Variants in NBN observed in about 807,000 individuals in gnomAD.
NBN encodes the protein nibrin.
In NBN, 88 loss-of-function variants were observed where a neutral mutation model predicts 90.8. That is an observed-to-expected ratio of 0.97 (90% confidence interval 0.82 to 1.16). NBN has a LOEUF of 1.16. Among genes scored for constraint, NBN ranks in the 50% most tolerant of loss-of-function variants. The pLI, the probability that NBN is intolerant of heterozygous loss-of-function variation, is 0.00. For synonymous variants in NBN, 328 were observed against 295.1 expected, an observed-to-expected ratio of 1.11 and a Z score of -1.14; for missense variants, 894 against 869.6, an observed-to-expected ratio of 1.03 and a Z score of -0.35.
intron 3 of NBN, 54 bp from the exon 4 acceptor site, chr8:89,980,947 C>A: frequency 3.3e-6 from 5 of 1,505,448 alleles, no homozygotes; most frequent in Non-Finnish European, 3.7e-6. Context: ...GCAGAGATGG[C>A]AATTTTTAGT....
At chr8:89,983,823 T>C (rs1444580260) in intron 1 of NBN, among the ~76,000 whole-genome samples, 1 of 152,078 alleles carries the variant, frequency 6.6e-6, no homozygotes, top group Non-Finnish European at 1.5e-5. Flanking sequence ...CCTTGACCTG[T>C]GAGTCTTCAC....
At chr8:89,968,172 T>C (rs1338774896) in intron 7 of NBN, among the ~76,000 whole-genome samples, 1 of 152,040 alleles carries the variant, frequency 6.6e-6, no homozygotes, top group Non-Finnish European at 1.5e-5. Context: ...GGCAGGAGAA[T>C]TGCTTGAGCC....
intron 8 of NBN, among the ~76,000 whole-genome samples, chr8:89,964,124 G>C (rs890468776): frequency 6.6e-6 from 1 of 151,958 alleles, no homozygotes. Flanking sequence ...TACTTGGCTT[G>C]ATCTGAACTT....
Position 89,935,392 on chromosome 8 carries a change from G to A in NBN, c.*190C>T. On this transcript the variant is annotated 3_prime_UTR_variant, in exon 16 of 16. Coordinates refer to ENST00000265433, the MANE Select transcript of NBN (RefSeq NM_002485.5). ...AATGAAAAAAAGATGCAATGACAAA[G>A]CCTGAAAACAGAACAAACAATTGTT... The A allele has an allele frequency of 3.2e-6, 2 of 617,734 alleles. No homozygotes were observed. Among genetic ancestry groups the A allele is most frequent in the Non-Finnish European group, 5.5e-6 (2 of 363,058 alleles). 38.3% of individuals were successfully genotyped at this position (617,734 alleles called of 1,614,324 possible).
intron 11 of NBN, among the ~76,000 whole-genome samples, chr8:89,948,603 A>G (rs1002028928): frequency 3.3e-5 from 5 of 152,232 alleles, no homozygotes; most frequent in Admixed American, 6.5e-5. Flanking sequence ...AGTGGGGCAC[A>G]TAACATTTTA....
chr8:89,956,628 C>G (rs929638026), intron 9 of NBN, among the ~76,000 whole-genome samples: 3 of 152,148 alleles, frequency 2.0e-5, no homozygotes, highest in African/African-American at 7.2e-5. Context: ...AAACTTATCT[C>G]ACCAGTTACA....
intron 11 of NBN, among the ~76,000 whole-genome samples, chr8:89,952,897 G>A (rs1341881481): frequency 1.3e-5 from 2 of 152,142 alleles, no homozygotes; most frequent in Non-Finnish European, 2.9e-5. Context: ...AATTTATTGA[G>A]TAGATACTTT....
chr8:89,975,314 T>A (rs571563454), intron 5 of NBN, among the ~76,000 whole-genome samples: 15 of 152,338 alleles, frequency 9.8e-5, no homozygotes, highest in Admixed American at 7.2e-4. Context: ...AGTCATGCTT[T>A]TTTGGAACAT....
At chr8:89,965,600 T>G (rs1474759994) in intron 7 of NBN, among the ~76,000 whole-genome samples, 4 of 152,012 alleles carry the variant, frequency 2.6e-5, no homozygotes, top group Non-Finnish European at 5.9e-5. Context: ...GCAATTCTTG[T>G]GCCCTGAGCT....
chr8:89,939,469 G>A (rs1289738426), intron 14 of NBN, among the ~76,000 whole-genome samples: 1 of 151,914 alleles, frequency 6.6e-6, no homozygotes, highest in Non-Finnish European at 1.5e-5. Flanking sequence ...GTCAGCAGCT[G>A]TATGATGTAT....
chr8:89,979,684 A>G (rs1229928693), intron 4 of NBN, among the ~76,000 whole-genome samples: 2 of 152,120 alleles, frequency 1.3e-5, no homozygotes, highest in Non-Finnish European at 2.9e-5. Context: ...AAGGTTTTCT[A>G]TTTTGGCATA....
At chr8:89,946,335 A>T (rs765738116) in intron 12 of NBN, 40 bp from the exon 13 acceptor site, 1 of 1,518,996 alleles carries the variant, frequency 6.6e-7, no homozygotes, top group Non-Finnish European at 9.1e-7. Flanking sequence ...AAAGAGAAGA[A>T]ATAACAAAGA....
At chr8:89,942,070 G>T (rs1809975217) in intron 14 of NBN, among the ~76,000 whole-genome samples, 1 of 152,082 alleles carries the variant, frequency 6.6e-6, no homozygotes, top group South Asian at 2.1e-4. Context: ...TCTATACGGG[G>T]TATGAGTGAT....
At chr8:89,961,996 G>A (rs1360635641) in intron 8 of NBN, among the ~76,000 whole-genome samples, 1 of 152,138 alleles carries the variant, frequency 6.6e-6, no homozygotes, top group African/African-American at 2.4e-5. Flanking sequence ...AGGTCTTGGT[G>A]ATAAAATGGA....
intron 15 of NBN, chr8:89,936,094 T>TC (rs1464255091): frequency 2.6e-6 from 1 of 391,032 alleles, no homozygotes; most frequent in East Asian, 8.1e-5. Context: ...ACACTTTTTT[T>TC]TTTTTTTTTT....
chr8:89,963,756 G>A (rs542930691), intron 8 of NBN, among the ~76,000 whole-genome samples: 16 of 152,160 alleles, frequency 1.1e-4, no homozygotes, highest in Admixed American at 3.3e-4. Flanking sequence ...CTGCTCCACC[G>A]GAAAGTCCCA....
Position 89,937,078 on chromosome 8 carries a change from G to A in NBN, c.2185-3C>T, listed in dbSNP as rs1809726732. On this transcript the variant is annotated splice_polypyrimidine_tract_variant and splice_region_variant and intron_variant, in intron 14 of 15. Coordinates refer to ENST00000265433, the MANE Select transcript of NBN (RefSeq NM_002485.5). Reference sequence around the variant, plus strand: ...TCTTTTGCATGTTGATTTTGTACCTGTCAAAATTAACATAATTTCAAACAT... The same window carrying A: ...TCTTTTGCATGTTGATTTTGTACCTATCAAAATTAACATAATTTCAAACAT... 1 of 1,611,248 alleles carries A rather than the reference G, an allele frequency of 6.2e-7. No homozygotes were observed. The highest frequency in any genetic ancestry group is 8.5e-7 in the Non-Finnish European group (1 of 1,178,344).
Position 89,933,781 on chromosome 8 carries a change from CAT to C in NBN, c.*1799_*1800del, listed in dbSNP as rs1490103957. The C allele has an allele frequency of 4.3e-6, 1 of 232,158 alleles. No homozygotes were observed. The highest frequency in any genetic ancestry group is 1.8e-4 in the South Asian group (1 of 5,522). The allele number at this position is 232,158 out of a possible 1,614,324, so 14.4% of individuals were successfully genotyped here. A position where few individuals can be genotyped will look rare whatever the true frequency, so the allele number is the denominator to read the frequency against. ...TTTAAAACTTCTATTCATCAAAAGA[CAT>C]AAAGAAAACAGTCAAGCCACAGACT... On this transcript the variant is annotated 3_prime_UTR_variant, in exon 16 of 16. Transcript: ENST00000265433.
chr8:89,941,913 GA>G (rs546623725), intron 14 of NBN, among the ~76,000 whole-genome samples: 38 of 151,946 alleles, frequency 2.5e-4, no homozygotes, highest in Non-Finnish European at 4.7e-4. Context: ...AAATAACTGA[GA>G]AAAAAGCACT....
Sources: allele counts gnomAD v4.1 joint callset (sites outside exome capture counted in the v4.1 genomes callset), GRCh38; gene constraint gnomAD v4.1.1; transcripts MANE v1.5; gene names NCBI Gene and HGNC (gene_info 2026-07-23, HGNC 2026-07-21).